The following DNAJC1 variants were observed in gnomAD, a reference collection of about 807,000 sequenced individuals.
The protein encoded by DNAJC1 is DnaJ heat shock protein family (Hsp40) member C1.
Under a neutral mutation model 76.6 loss-of-function variants are expected in DNAJC1, and 58 were observed. The ratio of observed to expected loss-of-function variants is 0.76; its 90% CI spans 0.61 to 0.94. The LOEUF (loss-of-function observed/expected upper bound fraction) is 0.94, where lower values mean the gene tolerates loss of function less well. Ranked by LOEUF, DNAJC1 falls within the 40% of genes least tolerant of loss-of-function variation. The probability of loss-of-function intolerance (pLI) is 0.00; values close to 1 mark genes in which losing one functional copy is unlikely to be tolerated. For synonymous variants in DNAJC1, 258 were observed against 267.9 expected (o/e 0.96, Z 0.36); for missense variants, 689 against 677.3 (o/e 1.02, Z -0.19).
At chr10:21,791,425 C>A (rs1214383339) in intron 9 of DNAJC1, among the ~76,000 whole-genome samples, 1 of 152,166 alleles carries the variant, frequency 6.6e-6, no homozygotes, top group Non-Finnish European at 1.5e-5. Flanking sequence ...CTTCATCCAA[C>A]AGCTACAGAA....
chr10:21,769,659 C>G (rs1385985844), intron 9 of DNAJC1, among the ~76,000 whole-genome samples: 2 of 152,096 alleles, frequency 1.3e-5, no homozygotes. Flanking sequence ...CTAACCAAAC[C>G]AAAAACTAAA....
chr10:21,885,405 T>A (rs1279225438), intron 7 of DNAJC1, among the ~76,000 whole-genome samples: 3 of 152,186 alleles, frequency 2.0e-5, no homozygotes, highest in African/African-American at 7.2e-5. Flanking sequence ...ACTTCAACAC[T>A]CCATTGACAG....
chr10:21,762,481 AT>A (rs1834253243), intron 10 of DNAJC1, among the ~76,000 whole-genome samples: 2 of 152,256 alleles, frequency 1.3e-5, no homozygotes, highest in African/African-American at 4.8e-5. Context: ...GGATACATCT[AT>A]CCACATGTAG....
chr10:21,926,584 T>C (rs1837132986), intron 3 of DNAJC1, among the ~76,000 whole-genome samples: 1 of 152,226 alleles, frequency 6.6e-6, no homozygotes, highest in Admixed American at 6.5e-5. Context: ...AAAGGAATTA[T>C]AAACATTAAG....
At chr10:21,979,340 T>C (rs1016703894) in intron 1 of DNAJC1, among the ~76,000 whole-genome samples, 1 of 152,074 alleles carries the variant, frequency 6.6e-6, no homozygotes, top group Admixed American at 6.6e-5. Context: ...CTGAATCATA[T>C]GTATTTTTAT....
chr10:21,852,885 T>G (rs1311426470), intron 8 of DNAJC1, among the ~76,000 whole-genome samples: 2 of 152,182 alleles, frequency 1.3e-5, no homozygotes, highest in African/African-American at 4.8e-5. Flanking sequence ...GATATTGTAG[T>G]GGTTTTGGAG....
chr10:21,911,717 G>T (rs1836867314), intron 6 of DNAJC1, among the ~76,000 whole-genome samples: 1 of 152,126 alleles, frequency 6.6e-6, no homozygotes, highest in South Asian at 2.1e-4. Context: ...CTTAATGATG[G>T]TTTAACAGAA....
chr10:21,975,625 G>T (rs1295291846), intron 1 of DNAJC1, among the ~76,000 whole-genome samples: 2 of 152,060 alleles, frequency 1.3e-5, no homozygotes, highest in African/African-American at 4.8e-5. Context: ...TCACCTTAGT[G>T]TTTCATACTA....
At chr10:21,802,280 A>C (rs943086536) in intron 9 of DNAJC1, among the ~76,000 whole-genome samples, 5 of 152,264 alleles carry the variant, frequency 3.3e-5, no homozygotes, top group Middle Eastern at 3.4e-3. Context: ...AGTCCTTATC[A>C]TGTTTATAAT....
intron 9 of DNAJC1, among the ~76,000 whole-genome samples, chr10:21,799,034 G>T (rs1040167564): frequency 6.6e-6 from 1 of 152,138 alleles, no homozygotes; most frequent in Non-Finnish European, 1.5e-5. Flanking sequence ...ACTTACTTTG[G>T]TGAACAACAT....
At chr10:21,813,062 C>CATATATACAT (rs1406060783) in intron 8 of DNAJC1, among the ~76,000 whole-genome samples, 1 of 123,160 alleles carries the variant, frequency 8.1e-6, no homozygotes, top group African/African-American at 3.2e-5. Context: ...CATATATATA[C>CATATATACAT]ATATATACAT....
At chr10:21,779,739 G>C (rs1284046554) in intron 9 of DNAJC1, among the ~76,000 whole-genome samples, 1 of 152,200 alleles carries the variant, frequency 6.6e-6, no homozygotes, top group East Asian at 1.9e-4. Context: ...AACAAAGCTG[G>C]ATGGAGAATG....
chr10:21,838,155 T>A (rs570476526), intron 8 of DNAJC1, among the ~76,000 whole-genome samples: 2 of 152,196 alleles, frequency 1.3e-5, no homozygotes, highest in South Asian at 4.1e-4. Context: ...CGGGCCAAGA[T>A]GACGATGGCG....
intron 6 of DNAJC1, among the ~76,000 whole-genome samples, chr10:21,914,807 G>A (rs993003197): frequency 1.3e-5 from 2 of 152,094 alleles, no homozygotes; most frequent in African/African-American, 2.4e-5. Context: ...TACAAAGTGG[G>A]CACTTAACTG....
chr10:21,815,021 G>T (rs1326550817), intron 8 of DNAJC1, among the ~76,000 whole-genome samples: 1 of 152,130 alleles, frequency 6.6e-6, no homozygotes, highest in Non-Finnish European at 1.5e-5. Context: ...CAGGCAGAGG[G>T]GCAAACTCCA....
intron 8 of DNAJC1, among the ~76,000 whole-genome samples, chr10:21,820,749 T>C (rs1314465514): frequency 2.0e-5 from 3 of 152,226 alleles, no homozygotes; most frequent in South Asian, 2.1e-4. Flanking sequence ...CATGACCCCC[T>C]CTTTGGGTTC....
In DNAJC1 at chr10:22,003,473, G is replaced by A; in HGVS notation, c.-39C>T. 7.5e-7 allele frequency: 1 copy of A among 1,329,502 alleles called. No homozygotes were observed. Among genetic ancestry groups the A allele is most frequent in the Non-Finnish European group, 9.6e-7 (1 of 1,046,802 alleles). 82.4% of individuals were successfully genotyped at this position (1,329,502 alleles called of 1,614,324 possible). On this transcript the variant is annotated 5_prime_UTR_variant, in exon 1 of 12. It adds an upstream start codon to the 5' untranslated region. Coordinates refer to ENST00000376980, the MANE Select transcript of DNAJC1 (RefSeq NM_022365.4). ...GAAAGGTCACCCGCCGCGCAGCTCC[G>A]TTGGCCGAGAGCTGGGACGTGGCGG...
chr10:21,900,169 C>T (rs985782676), intron 7 of DNAJC1, among the ~76,000 whole-genome samples: 3 of 151,782 alleles, frequency 2.0e-5, no homozygotes, highest in East Asian at 1.9e-4. Flanking sequence ...ATGGTGAAAC[C>T]CCGTTTCTAT....
chr10:21,845,479 C>T (rs375143063), intron 8 of DNAJC1, among the ~76,000 whole-genome samples: 2 of 151,730 alleles, frequency 1.3e-5, no homozygotes, highest in Admixed American at 6.6e-5. Context: ...CTTAGCCTCC[C>T]GAGTAGCTGG....
Sources: gnomAD v4.1 joint callset for allele counts (sites outside exome capture counted in the v4.1 genomes callset) on GRCh38, gnomAD v4.1.1 for gene constraint, MANE v1.5 for transcripts, NCBI Gene and HGNC (gene_info 2026-07-23, HGNC 2026-07-21) for gene names.